Variants in PTPRJ observed in about 807,000 individuals in gnomAD.
PTPRJ encodes protein tyrosine phosphatase receptor type J.
PTPRJ carries 129 observed loss-of-function variants against 141.3 expected under a neutral mutation model. The observed-to-expected ratio is 0.91, with a 90% CI of 0.79 to 1.06. The LOEUF is 1.06. Ranked by LOEUF, PTPRJ falls within the 50% of genes least tolerant of loss-of-function variation. The pLI is 0.00. For synonymous variants in PTPRJ, 610 were observed against 640.5 expected (o/e 0.95, Z 0.72); for missense variants, 1,601 against 1,679.7 (o/e 0.95, Z 0.82).
chr11:48,091,767 A>G (rs936812753), intron 1 of PTPRJ, among the ~76,000 whole-genome samples: 3 of 152,194 alleles, frequency 2.0e-5, no homozygotes, highest in Admixed American at 6.5e-5. Flanking sequence ...ATACCTCCCA[A>G]GAGGCCTTGC....
intron 1 of PTPRJ, among the ~76,000 whole-genome samples, chr11:48,001,987 T>A (rs1428477875): frequency 6.6e-6 from 1 of 152,160 alleles, no homozygotes; most frequent in Non-Finnish European, 1.5e-5. Context: ...GCCTGCTCAC[T>A]TCCAAACACA....
intron 1 of PTPRJ, among the ~76,000 whole-genome samples, chr11:48,083,343 C>T (rs997410523): frequency 6.6e-6 from 1 of 152,180 alleles, no homozygotes; most frequent in African/African-American, 2.4e-5. Context: ...GCTGGAGAAT[C>T]GCTTGAACCC....
At chr11:48,043,596 A>G (rs1854320772) in intron 1 of PTPRJ, among the ~76,000 whole-genome samples, 1 of 152,214 alleles carries the variant, frequency 6.6e-6, no homozygotes, top group Admixed American at 6.5e-5. Context: ...CGGTCAAAGC[A>G]GAAGAGGGAA....
At chr11:48,053,159 T>TTA (rs1298940398) in intron 1 of PTPRJ, among the ~76,000 whole-genome samples, 28 of 109,630 alleles carry the variant, frequency 2.6e-4, no homozygotes, top group Admixed American at 7.1e-4. Context: ...TAAATATATA[T>TTA]TATATATATA....
At position 48,139,720 on chromosome 11, in the gene PTPRJ, T is replaced by G. The variant is rs1477246334; in HGVS notation, c.2387T>G (p.Val796Gly). Residue 796 changes from valine to glycine, a missense_variant, in exon 11 of 25, where the codon GTG becomes GGG. Physicochemically the swap from Val to Gly is moderately radical, Grantham distance 109. Coordinates refer to ENST00000418331, the MANE Select transcript of PTPRJ (RefSeq NM_002843.4). The stretch of plus-strand genomic sequence containing the variant: ...TCGTACAACATCAGCATCACCACTG[T>G]GTCCTGTGGAAAGATGGCAGCCCCC... ...STSYNISITT[V>G]SCGKMAAPTR... The G allele has an allele frequency of 1.9e-6, 3 of 1,614,038 alleles. No homozygotes were observed. Among genetic ancestry groups the G allele is most frequent in the African/African-American group, 2.7e-5 (2 of 74,930 alleles).
intron 1 of PTPRJ, among the ~76,000 whole-genome samples, chr11:48,065,205 G>A (rs969077162): frequency 2.6e-5 from 4 of 151,508 alleles, no homozygotes; most frequent in Middle Eastern, 3.2e-3. Flanking sequence ...GTGGAAAAGC[G>A]GTTTCTCCAT....
intron 1 of PTPRJ, among the ~76,000 whole-genome samples, chr11:48,093,324 C>A (rs1157247034): frequency 6.6e-6 from 1 of 152,210 alleles, no homozygotes; most frequent in Non-Finnish European, 1.5e-5. Context: ...CTTTCTCAAT[C>A]AAATATTTTG....
At chr11:48,125,438 C>T (rs557598664) in intron 6 of PTPRJ, among the ~76,000 whole-genome samples, 1 of 152,338 alleles carries the variant, frequency 6.6e-6, no homozygotes, top group South Asian at 2.1e-4. Flanking sequence ...CACTGCCTCA[C>T]GCCATCTTTC....
At chr11:48,097,598 C>G (rs1856043701) in intron 1 of PTPRJ, among the ~76,000 whole-genome samples, 1 of 151,226 alleles carries the variant, frequency 6.6e-6, no homozygotes, top group South Asian at 2.1e-4. Flanking sequence ...AGTGTAGTGG[C>G]GTGATCTCAG....
intron 1 of PTPRJ, among the ~76,000 whole-genome samples, chr11:48,050,426 A>G (rs769181215): frequency 6.6e-6 from 1 of 152,176 alleles, no homozygotes; most frequent in Non-Finnish European, 1.5e-5. Context: ...CAAAGTCCAT[A>G]GTTTCTGTTA....
intron 1 of PTPRJ, among the ~76,000 whole-genome samples, chr11:48,050,658 G>A (rs1160789138): frequency 6.6e-6 from 1 of 152,108 alleles, no homozygotes; most frequent in Non-Finnish European, 1.5e-5. Flanking sequence ...TTGCTGAGAT[G>A]TCTTGTACTT....
At chr11:48,089,340 A>G (rs1362365058) in intron 1 of PTPRJ, among the ~76,000 whole-genome samples, 1 of 152,112 alleles carries the variant, frequency 6.6e-6, no homozygotes, top group African/African-American at 2.4e-5. Context: ...AACATGGTGA[A>G]GCCCATCTCA....
chr11:48,124,798 C>T (rs1388077453), intron 5 of PTPRJ, among the ~76,000 whole-genome samples, 170 bp from the exon 6 acceptor site: 2 of 152,120 alleles, frequency 1.3e-5, no homozygotes, highest in Non-Finnish European at 2.9e-5. Context: ...GCTATCAGGC[C>T]TTTTTATGGG....
At chr11:48,072,952 A>G (rs1466549784) in intron 1 of PTPRJ, among the ~76,000 whole-genome samples, 1 of 152,270 alleles carries the variant, frequency 6.6e-6, no homozygotes, top group Non-Finnish European at 1.5e-5. Context: ...AAAAAAATAG[A>G]TAATAGTATA....
chr11:47,988,188 G>C (rs1854099159), intron 1 of PTPRJ, among the ~76,000 whole-genome samples: 1 of 152,164 alleles, frequency 6.6e-6, no homozygotes, highest in African/African-American at 2.4e-5. Flanking sequence ...TAACACAGTG[G>C]TTCTGAATCT....
At chr11:48,149,967 TTC>T in intron 16 of PTPRJ, 21 bp from the exon 17 acceptor site, 1 of 1,428,874 alleles carries the variant, frequency 7.0e-7, no homozygotes, top group South Asian at 1.2e-5. Flanking sequence ...TGCATATTTT[TTC>T]TTTCCCTTTC....
Position 48,168,134 on chromosome 11 carries a change from G to C in PTPRJ, c.*772G>C, listed in dbSNP as rs561979015. 6.6e-6 allele frequency: 1 copy of C among 151,082 alleles called. No individual in the cohort carries two copies. Among genetic ancestry groups the C allele is most frequent in the African/African-American group, 2.4e-5 (1 of 41,022 alleles). 9.4% of individuals were successfully genotyped at this position (151,082 alleles called of 1,614,324 possible). On this transcript the variant is annotated 3_prime_UTR_variant, in exon 25 of 25. Coordinates refer to ENST00000418331, the MANE Select transcript of PTPRJ (RefSeq NM_002843.4). ...CCCAGTTTTCTCCAAAGACTCTTCT[G>C]TTGGCAACATTTTCAACCCATTGGT... is the stretch of plus-strand genomic sequence containing the variant.
At chr11:48,102,855 C>T (rs1856183104) in intron 1 of PTPRJ, among the ~76,000 whole-genome samples, 1 of 152,132 alleles carries the variant, frequency 6.6e-6, no homozygotes, top group Non-Finnish European at 1.5e-5. Flanking sequence ...AGGAAGGGTT[C>T]AGATAGGGAC....
At chr11:48,138,974 A>C (rs1226830781) in intron 10 of PTPRJ, among the ~76,000 whole-genome samples, 1 of 152,166 alleles carries the variant, frequency 6.6e-6, no homozygotes, top group Non-Finnish European at 1.5e-5. Flanking sequence ...GTCTACTAAA[A>C]ATACAAAAAT....
Sources: allele counts gnomAD v4.1 joint callset (sites outside exome capture counted in the v4.1 genomes callset), GRCh38; gene constraint gnomAD v4.1.1; transcripts MANE v1.5; gene names NCBI Gene and HGNC (gene_info 2026-07-23, HGNC 2026-07-21).